The following ING5 variants were observed in gnomAD, a reference collection of about 807,000 sequenced individuals.
ING5 encodes the protein inhibitor of growth protein 5.
A neutral mutation model predicts 37.4 loss-of-function variants in ING5; 17 were observed. The observed-to-expected ratio is 0.45, with a 90% CI of 0.31 to 0.68. The LOEUF (loss-of-function observed/expected upper bound fraction) is 0.68. Among genes scored for constraint, ING5 ranks in the 30% least tolerant of loss-of-function variants. ING5 has a pLI of 0.05. For synonymous variants in ING5, 123 were observed against 116.6 expected, an observed-to-expected ratio of 1.06 and a Z score of -0.36; for missense variants, 233 against 311.9, an observed-to-expected ratio of 0.75 and a Z score of 1.91.
At chr2:241,701,178 G>A (rs2069716616), upstream of ING5, among the ~76,000 whole-genome samples, 1 of 149,598 alleles carries the variant, frequency 6.7e-6, no homozygotes, top group South Asian at 2.1e-4. Context: ...TGGCCAGGCT[G>A]GTCTCAAATT....
In ING5 at chr2:241,711,984, G is replaced by T; in HGVS notation, c.395G>T (p.Arg132Leu). ...CATCTTGATTATTTTTCAGAAGGCCGGGGTCAGAAAGAAAAAAGAGGGTCC... is the reference window on the plus strand; with the variant it reads ...CATCTTGATTATTTTTCAGAAGGCCTGGGTCAGAAAGAAAAAAGAGGGTCC... ...SSGGRGLKKGRGQKEKRGSRG... is the reference protein window; with the variant it reads ...SSGGRGLKKGLGQKEKRGSRG... The change falls in exon 5 of 8, where the codon CGG (arginine) becomes CTG (leucine). Residue 132 changes from arginine to leucine, a missense_variant. Physicochemically the swap from Arg to Leu is moderately radical, Grantham distance 102 (BLOSUM62 -2). This residue lies in a region of ING5 where 76 missense variants were observed against 68.2 expected (regional missense o/e 1.11). Coordinates refer to ENST00000313552, the MANE Select transcript of ING5 (RefSeq NM_032329.6). The T allele has an allele frequency of 1.2e-6, 2 of 1,603,322 alleles. No homozygotes were observed. The highest frequency in any genetic ancestry group is 1.3e-5 in the African/African-American group (1 of 74,414).
intron 1 of ING5, among the ~76,000 whole-genome samples, chr2:241,702,574 C>T (rs2069777352): frequency 6.6e-6 from 1 of 151,966 alleles, no homozygotes; most frequent in Middle Eastern, 3.4e-3. Flanking sequence ...CCGTGTGCGC[C>T]GGCCTCTTGT....
At chr2:241,688,965 AT>A (rs563832212) in intron 1 of ING5, among the ~76,000 whole-genome samples, 1 of 151,446 alleles carries the variant, frequency 6.6e-6, no homozygotes, top group South Asian at 2.1e-4. Context: ...TGCCCGGCTA[AT>A]TTTTTTTGTA....
chr2:241,718,536 C>T (rs1271214788), intron 5 of ING5, among the ~76,000 whole-genome samples: 1 of 151,742 alleles, frequency 6.6e-6, no homozygotes, highest in Non-Finnish European at 1.5e-5. Context: ...CTGCCTCAGC[C>T]TCCCAAGTAG....
At chr2:241,688,071 T>G (rs889916706) in intron 1 of ING5, 1 of 152,210 alleles carries the variant, frequency 6.6e-6, no homozygotes, top group African/African-American at 2.4e-5. Context: ...AGGTGAGACT[T>G]TTTGTTATTT....
At chr2:241,714,982 A>G (rs1221937706) in intron 5 of ING5, among the ~76,000 whole-genome samples, 1 of 150,170 alleles carries the variant, frequency 6.7e-6, no homozygotes, top group African/African-American at 2.5e-5. Flanking sequence ...ATTTGTTTCT[A>G]CTCTCTATTT....
intron 7 of ING5, among the ~76,000 whole-genome samples, chr2:241,724,321 G>T (rs1012892311): frequency 1.3e-5 from 2 of 152,236 alleles, no homozygotes; most frequent in Non-Finnish European, 2.9e-5. Flanking sequence ...GCCCCACGCC[G>T]TGCGGCTGGG....
upstream of ING5, among the ~76,000 whole-genome samples, chr2:241,700,037 C>T (rs2069688902): frequency 6.6e-6 from 1 of 152,118 alleles, no homozygotes; most frequent in South Asian, 2.1e-4. Context: ...GGCTGGAGTG[C>T]AGTGGCACGA....
At chr2:241,703,409 G>A (rs1362138347) in intron 1 of ING5, among the ~76,000 whole-genome samples, 1 of 152,120 alleles carries the variant, frequency 6.6e-6, no homozygotes, top group African/African-American at 2.4e-5. Context: ...GCGGAGGTTG[G>A]CCTGGTCTAG....
rs751949734 is a variant in ING5 at position 241,724,981 on chromosome 2, T to G, written c.681-8T>G. On this transcript the variant is annotated splice_region_variant and splice_polypyrimidine_tract_variant and intron_variant, in intron 7 of 7. Transcript: ENST00000313552. ...GCCCAGGGCCTCACTGCGCCTTTCTTGTCACAGGTTCTGTCCACGGTGTGT... is the reference window on the plus strand; with the variant it reads ...GCCCAGGGCCTCACTGCGCCTTTCTGGTCACAGGTTCTGTCCACGGTGTGT... The G allele has an allele frequency of 6.2e-7, 1 of 1,613,956 alleles. No homozygotes were observed. Among genetic ancestry groups the G allele is most frequent in the Non-Finnish European group, 8.5e-7 (1 of 1,179,872 alleles).
At chr2:241,721,180 G>T in intron 5 of ING5, 1 of 985,616 alleles carries the variant, frequency 1.0e-6, no homozygotes, top group South Asian at 4.7e-5. Flanking sequence ...GGAGACCGCA[G>T]GAGCCCCTTG....
intron 2 of ING5, among the ~76,000 whole-genome samples, chr2:241,706,338 A>G (rs1333069923): frequency 6.6e-5 from 10 of 152,124 alleles, no homozygotes; most frequent in Admixed American, 6.6e-4. Context: ...ATAGGAAGGT[A>G]GATTTTCTTG....
chr2:241,714,210 T>A (rs2070199485), intron 5 of ING5, among the ~76,000 whole-genome samples: 1 of 152,180 alleles, frequency 6.6e-6, no homozygotes, highest in Non-Finnish European at 1.5e-5. Flanking sequence ...ATTTCTATAG[T>A]GTTTATTTCC....
chr2:241,701,586 G>A (rs1468499604), upstream of ING5, among the ~76,000 whole-genome samples: 2 of 152,134 alleles, frequency 1.3e-5, no homozygotes, highest in Non-Finnish European at 2.9e-5. Flanking sequence ...CCGGGGGAAA[G>A]GCGCTGAGCC....
At chr2:241,719,769 C>T (rs990512759) in intron 5 of ING5, 3 of 1,444,994 alleles carry the variant, frequency 2.1e-6, no homozygotes, top group African/African-American at 1.4e-5. Flanking sequence ...GGAAGATCCA[C>T]TGTGGCCTCA....
chr2:241,718,323 TCCTC>T (rs140540071), intron 5 of ING5, among the ~76,000 whole-genome samples: 74,945 of 128,322 alleles, frequency 0.58, 20,287 homozygotes, highest in East Asian at 0.75. Flanking sequence ...TTTCCTCCCT[TCCTC>T]CCTCCCTCCC....
intron 5 of ING5, chr2:241,719,333 C>T: frequency 1.6e-6 from 1 of 625,558 alleles, no homozygotes; most frequent in East Asian, 2.7e-5. Flanking sequence ...AGCCCTCACT[C>T]AGTGCATGAG....
intron 2 of ING5, among the ~76,000 whole-genome samples, chr2:241,692,744 C>G (rs1412994130): frequency 6.6e-6 from 1 of 152,180 alleles, no homozygotes; most frequent in East Asian, 1.9e-4. Context: ...CAGCGACCCC[C>G]ATTTTCCAGC....
At chr2:241,718,383 CCCTT>C (rs1165649857) in intron 5 of ING5, among the ~76,000 whole-genome samples, 311 of 135,300 alleles carry the variant, frequency 2.3e-3, no homozygotes, top group African/African-American at 4.4e-3. Context: ...CTCCCTCCCT[CCCTT>C]CCTTCCTTCC....
Sources: allele counts gnomAD v4.1 joint callset (sites outside exome capture counted in the v4.1 genomes callset), GRCh38; gene constraint gnomAD v4.1.1; regional missense constraint gnomAD v4.1.1; transcripts MANE v1.5; gene names NCBI Gene and HGNC (gene_info 2026-07-23, HGNC 2026-07-21).